C2CD3: variants seen among roughly 807,000 people sequenced by gnomAD.
C2CD3 encodes C2 domain containing 3 centriole elongation regulator, also known as C2 domain-containing protein 3.
A neutral mutation model predicts 234.0 loss-of-function variants in C2CD3; 148 were observed. That is an observed-to-expected ratio of 0.63 (90% CI 0.55 to 0.72). The LOEUF (loss-of-function observed/expected upper bound fraction) is 0.72. Ranked by LOEUF, C2CD3 falls within the 30% of genes least tolerant of loss-of-function variation. The pLI, the probability that C2CD3 is intolerant of heterozygous loss-of-function variation, is 0.00. For synonymous variants in C2CD3, 1,000 were observed against 1,035.4 expected (o/e 0.97, Z 0.66); for missense variants, 2,577 against 2,811.5 (o/e 0.92, Z 1.89).
At chr11:74,148,442 A>G (rs922755268) in intron 3 of C2CD3, among the ~76,000 whole-genome samples, 6 of 151,744 alleles carry the variant, frequency 4.0e-5, no homozygotes, top group African/African-American at 1.5e-4. Flanking sequence ...ATGTGTGTAT[A>G]TAAGATATAT....
intron 3 of C2CD3, among the ~76,000 whole-genome samples, chr11:74,152,216 G>T (rs886197306): frequency 6.6e-6 from 1 of 152,112 alleles, no homozygotes; most frequent in Non-Finnish European, 1.5e-5. Flanking sequence ...TGAAAGAGGA[G>T]ATATAATCAC....
At chr11:74,113,698 AAAG>A in intron 11 of C2CD3, 79 bp downstream of exon 11, 1 of 861,036 alleles carries the variant, frequency 1.2e-6, no homozygotes, top group Admixed American at 1.9e-5. Flanking sequence ...AAAAAAAAAA[AAAG>A]TCAAATGAGT....
intron 29 of C2CD3, among the ~76,000 whole-genome samples, chr11:74,040,870 G>T (rs1953005479): frequency 6.6e-6 from 1 of 151,720 alleles, no homozygotes; most frequent in African/African-American, 2.4e-5. Flanking sequence ...GCCCAGCCTG[G>T]GCAGCATAGG....
intron 26 of C2CD3, among the ~76,000 whole-genome samples, chr11:74,050,390 G>C (rs184664831): frequency 6.6e-6 from 1 of 152,298 alleles, no homozygotes; most frequent in East Asian, 1.9e-4. Context: ...TAATGACTGA[G>C]AAGATTCTCT....
chr11:74,125,281 C>A (rs1365268118), intron 7 of C2CD3, among the ~76,000 whole-genome samples: 2 of 152,172 alleles, frequency 1.3e-5, no homozygotes, highest in Non-Finnish European at 2.9e-5. Context: ...CCTCCTGTCT[C>A]AGCCTCCCTA....
At position 74,118,372 on chromosome 11, in the gene C2CD3, G is replaced by C. The variant is rs763526166; in HGVS notation, c.1376C>G (p.Thr459Ser). The C allele has an allele frequency of 2.5e-6, 4 of 1,612,368 alleles. No individual in the cohort carries two copies. Among genetic ancestry groups the C allele is most frequent in the Middle Eastern group, 1.7e-4 (1 of 6,054 alleles). ...NLFYTAPKSD[T>S]SISDFLSEED... Reference sequence around the variant, plus strand: ...TTCACTGAGGAAATCACTGATGCTGGTATCAGATTTCTATGGAGAGGAAGA... The same window carrying C: ...TTCACTGAGGAAATCACTGATGCTGCTATCAGATTTCTATGGAGAGGAAGA... Residue 459 changes from threonine (T) to serine (S), a missense_variant, in exon 9 of 33, where the codon ACC (threonine) becomes AGC (serine). Physicochemically the swap from Thr to Ser is moderately conservative, Grantham distance 58 (BLOSUM62 1). Transcript: ENST00000334126.
Position 74,103,517 on chromosome 11 carries a change from C to A in C2CD3, c.2194G>T (p.Ala732Ser). ...ATATCTTGGTTAAGTTCTGGTAGTGCCTTATTTGGACTTGTAGGAGCACAA... is the reference window on the plus strand; with the variant it reads ...ATATCTTGGTTAAGTTCTGGTAGTGACTTATTTGGACTTGTAGGAGCACAA... ...PLCAPTSPNK[A>S]LPELNQDMTC... is the part of the protein sequence containing the mutation. The change falls in exon 14 of 33, where the codon GCA becomes TCA. Residue 732 changes from alanine to serine, a missense_variant. By Grantham distance (99) the Ala-to-Ser change is moderately conservative. Transcript: ENST00000334126. 6.2e-7 allele frequency: 1 copy of A among 1,614,080 alleles called. No homozygotes were observed. The highest frequency in any genetic ancestry group is 8.5e-7 in the Non-Finnish European group (1 of 1,180,002).
chr11:74,030,205 T>A (rs912438018), intron 31 of C2CD3, among the ~76,000 whole-genome samples: 2 of 152,198 alleles, frequency 1.3e-5, no homozygotes, highest in African/African-American at 4.8e-5. Context: ...TCAGGAAAGT[T>A]CACTTTTTGT....
chr11:74,109,850 A>T (rs1300974074), intron 11 of C2CD3, among the ~76,000 whole-genome samples: 1 of 152,078 alleles, frequency 6.6e-6, no homozygotes, highest in African/African-American at 2.4e-5. Flanking sequence ...AGATGGGCAG[A>T]TCACGAGGTC....
intron 17 of C2CD3, 45 bp downstream of exon 17, chr11:74,095,164 ACTCTTAAGTATAATCTAAT>A: frequency 8.9e-7 from 1 of 1,122,470 alleles, no homozygotes; most frequent in East Asian, 2.9e-5. Context: ...GAAAAAAAAA[ACTCTTAAGTATAATCTAAT>A]AAAAGAACCA....
chr11:74,090,831 C>A lies in C2CD3; in HGVS notation c.3623G>T (p.Gly1208Val). The change falls in exon 20 of 33, where the codon GGT becomes GTT. Residue 1208 changes from glycine to valine, a missense_variant. Physicochemically the swap from Gly to Val is moderately radical, Grantham distance 109. Transcript: ENST00000334126. ...GACTTACTTGGCTGCTGCTTGCAGACCACAGGCTCTGATAATCTGGACTGA... is the reference window on the plus strand; with the variant it reads ...GACTTACTTGGCTGCTGCTTGCAGAACACAGGCTCTGATAATCTGGACTGA... ...SISVQIIRAC[G>V]LQAAAKALAE... 1.2e-6 allele frequency: 2 copies of A among 1,614,090 alleles called. No homozygotes were observed. Among genetic ancestry groups the A allele is most frequent in the East Asian group, 2.2e-5 (1 of 44,870 alleles).
intron 3 of C2CD3, among the ~76,000 whole-genome samples, chr11:74,147,718 A>G (rs1855312186): frequency 6.6e-6 from 1 of 152,196 alleles, no homozygotes; most frequent in Non-Finnish European, 1.5e-5. Context: ...ATTTCATTCA[A>G]TTTACTCATT....
chr11:74,077,761 A>T (rs1396216225), intron 23 of C2CD3, among the ~76,000 whole-genome samples: 6 of 108,064 alleles, frequency 5.6e-5, no homozygotes, highest in Admixed American at 2.2e-4. Context: ...CATGTACCCC[A>T]GAACTTACAG....
At chr11:74,155,730 G>A (rs972643378) in intron 3 of C2CD3, among the ~76,000 whole-genome samples, 6 of 152,172 alleles carry the variant, frequency 3.9e-5, no homozygotes, top group Non-Finnish European at 7.3e-5. Flanking sequence ...TGTCAAGGGC[G>A]GGGGCAGAGA....
intron 24 of C2CD3, among the ~76,000 whole-genome samples, chr11:74,063,196 G>A (rs1288289942): frequency 6.6e-6 from 1 of 152,120 alleles, no homozygotes; most frequent in Non-Finnish European, 1.5e-5. Context: ...ATCTACCAGA[G>A]GTACAAAGAG....
chr11:74,085,702 A>G lies in C2CD3; in HGVS notation c.3826T>C (p.Cys1276Arg). The stretch of plus-strand genomic sequence containing the variant: ...GCTAGGAAACAGGCCTCTCCACTAC[A>G]GTGCTGAGTCACCAAGTTACATGTG... Reference protein sequence around the residue: ...EFTCNLVTQHCSGEACFLAEL... With the variant: ...EFTCNLVTQHRSGEACFLAEL... Residue 1276 changes from cysteine to arginine, a missense_variant, in exon 21 of 33, where the codon TGT (cysteine) becomes CGT (arginine). Physicochemically the swap from Cys to Arg is radical, Grantham distance 180 (BLOSUM62 -3). Coordinates refer to ENST00000334126, the MANE Select transcript of C2CD3 (RefSeq NM_001286577.2). 6.2e-7 allele frequency: 1 copy of G among 1,614,158 alleles called. No homozygotes were observed. The highest frequency in any genetic ancestry group is 1.1e-5 in the South Asian group (1 of 91,084).
intron 17 of C2CD3, among the ~76,000 whole-genome samples, 183 bp from the exon 18 acceptor site, chr11:74,094,182 G>A (rs1329761693): frequency 6.7e-6 from 1 of 149,422 alleles, no homozygotes; most frequent in Non-Finnish European, 1.5e-5. Flanking sequence ...TGCCATACAA[G>A]TGCCAACACT....
intron 22 of C2CD3, among the ~76,000 whole-genome samples, chr11:74,082,121 A>ATT (rs1491478450): frequency 8.3e-6 from 1 of 119,850 alleles, no homozygotes; most frequent in African/African-American, 3.1e-5. Context: ...CTGGCTGTGG[A>ATT]TATTTTTTTT....
intron 32 of C2CD3, among the ~76,000 whole-genome samples, chr11:74,015,551 A>G (rs369002320): frequency 5.9e-5 from 9 of 152,110 alleles, no homozygotes; most frequent in African/African-American, 2.2e-4. Context: ...CTTACCTTCC[A>G]TTTCTTTCTC....
Sources: allele counts gnomAD v4.1 joint callset (sites outside exome capture counted in the v4.1 genomes callset), GRCh38; gene constraint gnomAD v4.1.1; transcripts MANE v1.5; gene names NCBI Gene and HGNC (gene_info 2026-07-23, HGNC 2026-07-21).